Variants in REEP3 observed in about 807,000 individuals in gnomAD.
REEP3 encodes the protein receptor expression-enhancing protein 3.
A neutral mutation model predicts 41.3 loss-of-function variants in REEP3; 20 were observed. The observed-to-expected ratio is 0.48, with a 90% CI of 0.34 to 0.70. The LOEUF is 0.70. Ranked by LOEUF, REEP3 falls within the 30% of genes least tolerant of loss-of-function variation. The pLI is 0.01. For synonymous variants in REEP3, 104 were observed against 101.8 expected, an observed-to-expected ratio of 1.02 and a Z score of -0.13; for missense variants, 271 against 308.8, an observed-to-expected ratio of 0.88 and a Z score of 0.92.
rs1956328520 is a variant in REEP3 at position 63,618,351 on chromosome 10, T to C, written c.566-1304T>C. On this transcript the variant is annotated intron_variant, in intron 6 of 7. Coordinates refer to ENST00000373758, the MANE Select transcript of REEP3 (RefSeq NM_001001330.3). ...AGCTCCGCCTCCCGGATTCATGCCA[T>C]TCTCCTGCCCCAGCTTCCCGAGTAG... Among the ~76,000 whole-genome samples the C allele has an allele frequency of 2.7e-5, 4 of 147,286 alleles. No homozygotes were observed. The South Asian group carries it at 9.1e-4, about 33-fold the overall frequency.
chr10:63,541,348 G>T (rs1955526581), intron 1 of REEP3, among the ~76,000 whole-genome samples: 1 of 152,106 alleles, frequency 6.6e-6, no homozygotes, highest in Admixed American at 6.6e-5. Context: ...GAGGATAGGG[G>T]TGTGATTGAC....
At chr10:63,560,176 TC>T (rs1457624977) in intron 1 of REEP3, among the ~76,000 whole-genome samples, 2 of 152,156 alleles carry the variant, frequency 1.3e-5, no homozygotes, top group Non-Finnish European at 2.9e-5. Flanking sequence ...TTTATTATAT[TC>T]ATACTATTCT....
At chr10:63,594,733 A>G (rs775457900) in intron 2 of REEP3, 45 bp from the exon 3 acceptor site, 117 of 1,226,966 alleles carry the variant, frequency 9.5e-5, no homozygotes, top group Non-Finnish European at 1.3e-4. Flanking sequence ...CAGAGTTGCA[A>G]ATAATTTTCA....
At chr10:63,569,996 T>C (rs1001900303) in intron 2 of REEP3, among the ~76,000 whole-genome samples, 1 of 152,136 alleles carries the variant, frequency 6.6e-6, no homozygotes, top group African/African-American at 2.4e-5. Context: ...AATGCATTTA[T>C]AAATGATGTG....
chr10:63,561,712 A>G (rs16918603), intron 1 of REEP3, among the ~76,000 whole-genome samples: 17,211 of 152,212 alleles, frequency 0.11, 1,261 homozygotes, highest in East Asian at 0.28. Context: ...GCCCAGATGT[A>G]TTACTGGCCA....
chr10:63,599,338 G>T, intron 5 of REEP3, 55 bp downstream of exon 5: 1 of 754,414 alleles, frequency 1.3e-6, no homozygotes, highest in Non-Finnish European at 2.0e-6. Context: ...ACAAATAAAG[G>T]TGGCTTCTTA....
intron 6 of REEP3, among the ~76,000 whole-genome samples, chr10:63,615,240 A>G (rs994632978): frequency 6.6e-6 from 1 of 152,216 alleles, no homozygotes; most frequent in East Asian, 1.9e-4. Flanking sequence ...AAATTAACCT[A>G]TTAATCTTAA....
intron 5 of REEP3, among the ~76,000 whole-genome samples, chr10:63,602,690 C>T (rs541129801): frequency 6.6e-6 from 1 of 152,198 alleles, no homozygotes; most frequent in East Asian, 1.9e-4. Context: ...TTGTGCAGTA[C>T]TTGTTTTATT....
chr10:63,601,018 T>TG lies in REEP3; in HGVS notation c.417+1742dup, dbSNP rs752677571. Among the ~76,000 whole-genome samples the TG allele has an allele frequency of 1.1e-3, 161 of 151,252 alleles. 1 individual carries two copies. The highest frequency in any genetic ancestry group is 2.0e-3 in the Non-Finnish European group (135 of 67,788). ...AAATACAAAGATTAGCTGGGCGTGG[T>TG]GGGGGGGCGCCTGTAATCCCAGCTA... On this transcript the variant is annotated intron_variant, in intron 5 of 7. Transcript: ENST00000373758.
chr10:63,608,589 A>G (rs1192578563), intron 5 of REEP3, among the ~76,000 whole-genome samples: 1 of 152,264 alleles, frequency 6.6e-6, no homozygotes, highest in Non-Finnish European at 1.5e-5. Context: ...TGTGAAACGA[A>G]GAAATAATAA....
intron 5 of REEP3, 22 bp from the exon 6 acceptor site, chr10:63,610,165 C>G: frequency 1.9e-6 from 3 of 1,593,312 alleles, no homozygotes; most frequent in Non-Finnish European, 2.6e-6. Context: ...TTTCTTGGAC[C>G]TATCACTTCT....
chr10:63,550,431 A>G (rs1021861295), intron 1 of REEP3, among the ~76,000 whole-genome samples: 14 of 152,216 alleles, frequency 9.2e-5, no homozygotes, highest in Non-Finnish European at 1.9e-4. Context: ...GATTATATCT[A>G]GTGTCAGCAG....
At position 63,575,559 on chromosome 10, in the gene REEP3, A is replaced by T. The variant is rs561153914; in HGVS notation, c.105+9149A>T. On this transcript the variant is annotated intron_variant, in intron 2 of 7. Transcript: ENST00000373758. ...TGTAAGGCACTTGGACTGGTTTTCCAATTTTTTTTTTAATCTTTTCCCTTC... is the reference window on the plus strand; with the variant it reads ...TGTAAGGCACTTGGACTGGTTTTCCTATTTTTTTTTTAATCTTTTCCCTTC... Among the ~76,000 whole-genome samples the T allele has an allele frequency of 2.0e-5, 3 of 150,988 alleles. No homozygotes were observed. In the South Asian group the frequency reaches 6.3e-4, roughly 32 times the overall value.
chr10:63,522,645 A>G (rs1018724650), intron 1 of REEP3, among the ~76,000 whole-genome samples: 1 of 152,224 alleles, frequency 6.6e-6, no homozygotes, highest in African/African-American at 2.4e-5. Flanking sequence ...TAGGAAAAAT[A>G]ACATTACCAG....
intron 2 of REEP3, among the ~76,000 whole-genome samples, chr10:63,567,562 T>G (rs1449206311): frequency 1.3e-5 from 2 of 152,224 alleles, no homozygotes; most frequent in Non-Finnish European, 2.9e-5. Context: ...TGTATGGATA[T>G]ATGACATTTT....
intron 2 of REEP3, among the ~76,000 whole-genome samples, chr10:63,581,867 C>CT (rs34810180): frequency 0.13 from 17,763 of 141,112 alleles, 1,306 homozygotes; most frequent in East Asian, 0.28. Flanking sequence ...GGTTCAGCTC[C>CT]TTTTTTTTTT....
At position 63,556,614 on chromosome 10, in the gene REEP3, GTTT is replaced by G. The variant is rs77925970; in HGVS notation, c.33-9715_33-9713del. ...GTTTTGTTTTGTTTTCTGTTTGCTT[GTTT>G]TTTTTTTTGTTGTTTTGTTTTTTTT... is the stretch of plus-strand genomic sequence containing the variant. On this transcript the variant is annotated intron_variant, in intron 1 of 7. Transcript: ENST00000373758. Among the ~76,000 whole-genome samples, 51 of 12,850 alleles carry G rather than the reference GTTT, an allele frequency of 4.0e-3. 3 individuals are homozygous for G. Among genetic ancestry groups the G allele is most frequent in the Admixed American group, 0.02 (39 of 1,936 alleles). 8.4% of individuals were successfully genotyped at this position (12,850 alleles called of 152,430 possible).
intron 1 of REEP3, among the ~76,000 whole-genome samples, chr10:63,537,733 C>T (rs1050186703): frequency 6.6e-6 from 1 of 152,006 alleles, no homozygotes; most frequent in African/African-American, 2.4e-5. Flanking sequence ...CAGTGCTGAG[C>T]CAGGCCACAG....
rs59658061 is a variant in REEP3 at position 63,589,785 on chromosome 10, C to CTTTTTTTTTTTTT, written c.106-4979_106-4967dup. On this transcript the variant is annotated intron_variant, in intron 2 of 7. Transcript: ENST00000373758. ...TAATGTACTAAGAACAGCAGAACAT[C>CTTTTTTTTTTTTT]TTTTTTTTTTTTTTTTTTTTTTTTT... 7.7e-4 allele frequency among the ~76,000 whole-genome samples: 62 copies of CTTTTTTTTTTTTT among 80,832 alleles called. 9 individuals are homozygous for CTTTTTTTTTTTTT. Among genetic ancestry groups the CTTTTTTTTTTTTT allele is most frequent in the Non-Finnish European group, 1.1e-3 (50 of 43,500 alleles). 53.0% of individuals were successfully genotyped at this position (80,832 alleles called of 152,430 possible). A position where few individuals can be genotyped will look rare whatever the true frequency, so the allele number is the denominator to read the frequency against.
Sources: gnomAD v4.1 joint callset for allele counts (sites outside exome capture counted in the v4.1 genomes callset) on GRCh38, gnomAD v4.1.1 for gene constraint, MANE v1.5 for transcripts, NCBI Gene and HGNC (gene_info 2026-07-23, HGNC 2026-07-21) for gene names.